The following RIMS2 variants were observed in gnomAD, a reference collection of about 807,000 sequenced individuals.
RIMS2 encodes regulating synaptic membrane exocytosis 2.
A neutral mutation model predicts 174.4 loss-of-function variants in RIMS2; 59 were observed. That is an observed-to-expected ratio of 0.34 (90% CI 0.27 to 0.42). RIMS2 has a LOEUF of 0.42. Among genes scored for constraint, RIMS2 ranks in the 10% least tolerant of loss-of-function variants. RIMS2 has a pLI of 1.00. For synonymous variants in RIMS2, 606 were observed against 572.5 expected (o/e 1.06, Z -0.84); for missense variants, 1,620 against 1,666.3 (o/e 0.97, Z 0.48).
At chr8:104,006,406 C>T (rs943276244) in intron 17 of RIMS2, among the ~76,000 whole-genome samples, 7 of 151,846 alleles carry the variant, frequency 4.6e-5, no homozygotes, top group Admixed American at 1.3e-4. Flanking sequence ...CAAAATTAGC[C>T]GGGCGTGGTG....
At chr8:103,627,250 A>G (rs2135014744) in intron 1 of RIMS2, among the ~76,000 whole-genome samples, 1 of 152,320 alleles carries the variant, frequency 6.6e-6, no homozygotes, top group East Asian at 1.9e-4. Flanking sequence ...CTGCAAGAAG[A>G]AAAATATGGC....
intron 3 of RIMS2, among the ~76,000 whole-genome samples, chr8:103,838,794 GGTGGCTCACGCCT>G (rs1405432456): frequency 6.6e-6 from 1 of 152,076 alleles, no homozygotes; most frequent in Non-Finnish European, 1.5e-5. Context: ...GGCCGGACTC[GGTGGCTCACGCCT>G]GTAATCCCAG....
chr8:103,611,113 A>T (rs1309091122), intron 1 of RIMS2, among the ~76,000 whole-genome samples: 1 of 151,940 alleles, frequency 6.6e-6, no homozygotes, highest in Non-Finnish European at 1.5e-5. Flanking sequence ...GTGTGCATAG[A>T]GGTGTTTGTA....
chr8:104,000,133 T>A (rs2095319935), intron 17 of RIMS2, among the ~76,000 whole-genome samples: 1 of 151,680 alleles, frequency 6.6e-6, no homozygotes, highest in African/African-American at 2.4e-5. Flanking sequence ...GTAGAATTTG[T>A]AAGAATGAAG....
chr8:104,224,209 A>G (rs914213775), intron 19 of RIMS2, among the ~76,000 whole-genome samples: 1 of 152,186 alleles, frequency 6.6e-6, no homozygotes, highest in Admixed American at 6.5e-5. Context: ...TTGAAACAGG[A>G]ATGTCAGCCT....
intron 13 of RIMS2, among the ~76,000 whole-genome samples, chr8:103,941,976 A>T (rs1238282085): frequency 6.6e-6 from 1 of 152,196 alleles, no homozygotes; most frequent in Non-Finnish European, 1.5e-5. Context: ...CACAGTAGGC[A>T]CTTCAATTGT....
intron 1 of RIMS2, among the ~76,000 whole-genome samples, chr8:103,646,121 A>G (rs890236217): frequency 1.3e-5 from 2 of 152,076 alleles, no homozygotes; most frequent in Non-Finnish European, 2.9e-5. Flanking sequence ...TTCACAAGAT[A>G]ATGTCATCAG....
chr8:104,036,175 G>A (rs2096510675), intron 19 of RIMS2, among the ~76,000 whole-genome samples: 1 of 149,832 alleles, frequency 6.7e-6, no homozygotes, highest in African/African-American at 2.5e-5. Context: ...ATTTGAGATG[G>A]GGTCTCTCTC....
chr8:103,712,092 A>G (rs868329937), intron 2 of RIMS2, among the ~76,000 whole-genome samples: 1 of 151,890 alleles, frequency 6.6e-6, no homozygotes, highest in South Asian at 2.1e-4. Context: ...CATGGGTTCA[A>G]GGAATCCTCC....
chr8:103,830,799 G>A (rs1019056720), intron 3 of RIMS2, among the ~76,000 whole-genome samples: 5 of 152,094 alleles, frequency 3.3e-5, no homozygotes, highest in South Asian at 4.1e-4. Context: ...ATATCTACAC[G>A]TTTGTGATAT....
intron 19 of RIMS2, among the ~76,000 whole-genome samples, chr8:104,097,787 T>C (rs1380380231): frequency 6.6e-6 from 1 of 152,218 alleles, no homozygotes; most frequent in East Asian, 1.9e-4. Flanking sequence ...TTATATCTTT[T>C]ATTTGAAATC....
At chr8:103,791,963 A>T (rs998985728) in intron 3 of RIMS2, among the ~76,000 whole-genome samples, 4 of 152,148 alleles carry the variant, frequency 2.6e-5, no homozygotes, top group African/African-American at 9.7e-5. Flanking sequence ...CTCCCACACA[A>T]TAATAATGGG....
chr8:103,893,638 A>C (rs2099260378), intron 4 of RIMS2, among the ~76,000 whole-genome samples: 2 of 152,250 alleles, frequency 1.3e-5, no homozygotes, highest in South Asian at 4.1e-4. Flanking sequence ...GGTTAAAAAA[A>C]CTTAAATATT....
At chr8:104,054,163 C>G (rs1391519482) in intron 19 of RIMS2, among the ~76,000 whole-genome samples, 3 of 152,156 alleles carry the variant, frequency 2.0e-5, no homozygotes, top group African/African-American at 7.2e-5. Context: ...CCTTCTTAAT[C>G]TGAGAGTAAC....
At chr8:103,966,895 TG>T (rs1232472738) in intron 15 of RIMS2, among the ~76,000 whole-genome samples, 1 of 151,974 alleles carries the variant, frequency 6.6e-6, no homozygotes, top group East Asian at 1.9e-4. Context: ...AATATATTAT[TG>T]GGTTTTGCAG....
intron 19 of RIMS2, among the ~76,000 whole-genome samples, chr8:104,161,647 C>G (rs1264404097): frequency 2.0e-5 from 3 of 152,132 alleles, no homozygotes; most frequent in Non-Finnish European, 2.9e-5. Context: ...AGGCCGTAAC[C>G]CATTATCATT....
intron 1 of RIMS2, among the ~76,000 whole-genome samples, chr8:103,662,136 GT>G (rs2096608988): frequency 1.3e-5 from 2 of 152,318 alleles, no homozygotes; most frequent in East Asian, 3.9e-4. Flanking sequence ...CTTTAAGAAA[GT>G]TTACAGATTT....
intron 3 of RIMS2, among the ~76,000 whole-genome samples, chr8:103,803,665 A>G (rs1341389001): frequency 6.6e-6 from 1 of 152,206 alleles, no homozygotes; most frequent in African/African-American, 2.4e-5. Context: ...AGTCAGTTAT[A>G]TAGTTATATC....
chr8:104,183,165 G>A (rs1170221589), intron 19 of RIMS2, among the ~76,000 whole-genome samples: 1 of 151,594 alleles, frequency 6.6e-6, no homozygotes, highest in Non-Finnish European at 1.5e-5. Context: ...GCTTTCTAAA[G>A]AATTAAATTA....
Sources: gnomAD v4.1 joint callset for allele counts (sites outside exome capture counted in the v4.1 genomes callset) on GRCh38, gnomAD v4.1.1 for gene constraint, MANE v1.5 for transcripts, NCBI Gene and HGNC (gene_info 2026-07-23, HGNC 2026-07-21) for gene names.